KLHL29: variants seen among roughly 807,000 people sequenced by gnomAD.
KLHL29 encodes kelch-like protein 29.
In KLHL29, 21 loss-of-function variants were observed where a neutral mutation model predicts 80.4. The observed-to-expected ratio is 0.26, with a 90% CI of 0.19 to 0.38. The LOEUF is 0.38. Ranked by LOEUF, KLHL29 falls within the 10% of genes least tolerant of loss-of-function variation. The pLI is 1.00. For missense variants in KLHL29, 867 were observed against 1,223.9 expected (o/e 0.71, Z 4.35); for synonymous variants, 511 against 526.8 (o/e 0.97, Z 0.41).
Position 23,627,994 on chromosome 2 carries a change from G to A in KLHL29, c.286-11145G>A, listed in dbSNP as rs544429183. Among the ~76,000 whole-genome samples, 8 of 135,536 alleles carry A rather than the reference G, an allele frequency of 5.9e-5. No individual in the cohort carries two copies. The East Asian group carries it at 1.3e-3, about 21-fold the overall frequency. The allele number at this position is 135,536 out of a possible 152,430, so 88.9% of individuals were successfully genotyped here. On this transcript the variant is annotated intron_variant, in intron 3 of 13. Coordinates refer to ENST00000486442, the MANE Select transcript of KLHL29 (RefSeq NM_052920.2). ...ACGATCTCGGCTCACCGCAACCTCC[G>A]CTTCCCGGGGAGCTGGGCAGCAGTT...
intron 5 of KLHL29, among the ~76,000 whole-genome samples, chr2:23,645,742 A>G (rs942230899): frequency 6.6e-6 from 1 of 152,208 alleles, no homozygotes; most frequent in African/African-American, 2.4e-5. Flanking sequence ...TCTTGTAATT[A>G]TCTTCTGATC....
At chr2:23,533,184 C>T (rs1261315552) in intron 2 of KLHL29, among the ~76,000 whole-genome samples, 1 of 152,112 alleles carries the variant, frequency 6.6e-6, no homozygotes, top group Non-Finnish European at 1.5e-5. Context: ...GGGTCAAAGG[C>T]AGCAGAGAAA....
In KLHL29 at chr2:23,516,436, G is replaced by A. The variant is rs1054371245; in HGVS notation, c.-46+40769G>A. On this transcript the variant is annotated intron_variant, in intron 2 of 13. Coordinates refer to ENST00000486442, the MANE Select transcript of KLHL29 (RefSeq NM_052920.2). ...TGGGAATGCTACACTAGCCAAGCTCGCCCCCAGCACCGAGAAACAAACTGG... is the reference window on the plus strand; with the variant it reads ...TGGGAATGCTACACTAGCCAAGCTCACCCCCAGCACCGAGAAACAAACTGG... 5.9e-5 allele frequency among the ~76,000 whole-genome samples: 9 copies of A among 151,572 alleles called. No homozygotes were observed. The South Asian group carries it at 8.4e-4, about 14-fold the overall frequency.
intron 1 of KLHL29, among the ~76,000 whole-genome samples, chr2:23,388,412 C>G (rs1239459850): frequency 1.3e-5 from 2 of 152,168 alleles, no homozygotes; most frequent in Non-Finnish European, 2.9e-5. Context: ...CCAAAGGAAC[C>G]TCTAAATCCA....
At chr2:23,478,911 C>G (rs1256555435) in intron 2 of KLHL29, among the ~76,000 whole-genome samples, 1 of 151,974 alleles carries the variant, frequency 6.6e-6, no homozygotes, top group Non-Finnish European at 1.5e-5. Context: ...CTTCCACACC[C>G]CCCGCCTTTA....
intron 1 of KLHL29, among the ~76,000 whole-genome samples, chr2:23,414,881 T>C (rs1242652823): frequency 1.3e-5 from 2 of 152,250 alleles, no homozygotes; most frequent in African/African-American, 4.8e-5. Context: ...CAAGATTCTT[T>C]GTAGCAAGCA....
At chr2:23,576,666 A>G (rs1156635593) in intron 3 of KLHL29, among the ~76,000 whole-genome samples, 1 of 152,246 alleles carries the variant, frequency 6.6e-6, no homozygotes, top group Non-Finnish European at 1.5e-5. Context: ...CCACAGGGGA[A>G]GTCTGCATCT....
At chr2:23,432,158 A>G (rs139396135) in intron 1 of KLHL29, among the ~76,000 whole-genome samples, 1,651 of 152,292 alleles carry the variant, frequency 0.011, 20 homozygotes, top group South Asian at 0.058. Context: ...ACATGAAAGT[A>G]TGCTTATGCA....
intron 5 of KLHL29, chr2:23,668,255 C>A (rs570781261): frequency 6.6e-6 from 1 of 152,346 alleles, no homozygotes; most frequent in Non-Finnish European, 1.5e-5. Flanking sequence ...CAAGCCAGCA[C>A]CTGTTTCCCT....
Position 23,465,452 on chromosome 2 carries a change from GC to G in KLHL29, c.-153-10107del, listed in dbSNP as rs1045211449. On this transcript the variant is annotated intron_variant, in intron 1 of 13. Coordinates refer to ENST00000486442, the MANE Select transcript of KLHL29 (RefSeq NM_052920.2). ...ATACTGCAGAAACAGCCCTCTATCA[GC>G]AAGAGGCAGGAGGCAATGCATAAAT... is the stretch of plus-strand genomic sequence containing the variant. Among the ~76,000 whole-genome samples the G allele has an allele frequency of 4.0e-4, 61 of 152,318 alleles. No individual in the cohort carries two copies. The Middle Eastern group carries it at 0.014, about 34-fold the overall frequency.
chr2:23,692,087 C>T (rs1452364441), intron 7 of KLHL29, among the ~76,000 whole-genome samples: 3 of 152,158 alleles, frequency 2.0e-5, no homozygotes, highest in East Asian at 3.9e-4. Flanking sequence ...AAGAGGACTC[C>T]GTGTCATTTC....
intron 1 of KLHL29, among the ~76,000 whole-genome samples, chr2:23,398,653 G>A (rs181254478): frequency 6.6e-6 from 1 of 152,342 alleles, no homozygotes; most frequent in Admixed American, 6.5e-5. Context: ...TCGATAGTGA[G>A]CCCTTGGGCC....
chr2:23,575,678 G>A (rs1050436189), intron 3 of KLHL29, among the ~76,000 whole-genome samples: 1 of 152,212 alleles, frequency 6.6e-6, no homozygotes, highest in Non-Finnish European at 1.5e-5. Flanking sequence ...GATGCTGCTG[G>A]CAATGTGGAG....
chr2:23,611,041 T>A (rs1277916394), intron 3 of KLHL29, among the ~76,000 whole-genome samples: 4 of 152,096 alleles, frequency 2.6e-5, no homozygotes, highest in Non-Finnish European at 4.4e-5. Flanking sequence ...TAGATGGTAA[T>A]AAGTGCTGGC....
At chr2:23,537,977 G>A (rs550307037) in intron 2 of KLHL29, among the ~76,000 whole-genome samples, 1 of 152,212 alleles carries the variant, frequency 6.6e-6, no homozygotes, top group Non-Finnish European at 1.5e-5. Flanking sequence ...GCTCTGGTCT[G>A]TAAAGGAAAG....
intron 2 of KLHL29, among the ~76,000 whole-genome samples, chr2:23,530,382 T>C (rs1202720749): frequency 1.3e-5 from 2 of 152,224 alleles, no homozygotes; most frequent in African/African-American, 4.8e-5. Context: ...TGATGGTATT[T>C]AATAACTAAT....
At chr2:23,687,828 C>T (rs1469871279) in intron 6 of KLHL29, among the ~76,000 whole-genome samples, 4 of 152,078 alleles carry the variant, frequency 2.6e-5, no homozygotes, top group African/African-American at 7.2e-5. Flanking sequence ...TTGCAGGGGA[C>T]GCGGCTGGAG....
In KLHL29 at chr2:23,678,394, C is replaced by A. The variant is rs74925597; in HGVS notation, c.941-6005C>A. Among the ~76,000 whole-genome samples, 101 of 152,330 alleles carry A rather than the reference C, an allele frequency of 6.6e-4. No individual in the cohort carries two copies. In the East Asian group the frequency reaches 0.019, roughly 29 times the overall value. On this transcript the variant is annotated intron_variant, in intron 5 of 13. Transcript: ENST00000486442. ...GAATGGGAGCTATGGCCTCAAGAAG[C>A]TTTGCTCACTTTCACTCACTCTCCG...
intron 3 of KLHL29, among the ~76,000 whole-genome samples, chr2:23,571,634 T>C (rs1667719397): frequency 6.6e-6 from 1 of 152,186 alleles, no homozygotes. Context: ...TCCTTGCTTT[T>C]AAGGAAGAGT....
Sources: gnomAD v4.1 joint callset for allele counts (sites outside exome capture counted in the v4.1 genomes callset) on GRCh38, gnomAD v4.1.1 for gene constraint, MANE v1.5 for transcripts, NCBI Gene and HGNC (gene_info 2026-07-23, HGNC 2026-07-21) for gene names.